The following SHC4 variants were observed in gnomAD, a reference collection of about 807,000 sequenced individuals.
SHC4 encodes the protein SHC-transforming protein 4.
A neutral mutation model predicts 69.4 loss-of-function variants in SHC4; 41 were observed. The observed-to-expected ratio is 0.59, with a 90% CI of 0.46 to 0.77. The LOEUF (loss-of-function observed/expected upper bound fraction) is 0.77, where lower values mean the gene tolerates loss of function less well. SHC4 is among the 30% of genes least tolerant of loss of function. The probability of loss-of-function intolerance (pLI) is 0.00; values close to 1 mark genes in which losing one functional copy is unlikely to be tolerated. For missense variants in SHC4, 777 were observed against 783.8 expected (o/e 0.99, Z 0.10); for synonymous variants, 318 against 299.3 (o/e 1.06, Z -0.64).
chr15:48,909,848 G>A (rs1893815033), intron 2 of SHC4, among the ~76,000 whole-genome samples: 1 of 152,116 alleles, frequency 6.6e-6, no homozygotes, highest in South Asian at 2.1e-4. Flanking sequence ...TTTGTGTGGT[G>A]TATCACATTT....
chr15:48,931,378 T>A (rs986078517), intron 1 of SHC4, among the ~76,000 whole-genome samples: 16 of 152,236 alleles, frequency 1.1e-4, no homozygotes, highest in African/African-American at 3.9e-4. Flanking sequence ...CCTTCAGATG[T>A]GTATTGGCAC....
At chr15:48,897,079 T>C (rs989204635) in intron 2 of SHC4, among the ~76,000 whole-genome samples, 3 of 152,336 alleles carry the variant, frequency 2.0e-5, no homozygotes, top group Non-Finnish European at 4.4e-5. Flanking sequence ...TTTTTGGAGC[T>C]GAGTGGCGGT....
At chr15:48,904,944 C>CA (rs1900382433) in intron 2 of SHC4, among the ~76,000 whole-genome samples, 1 of 123,722 alleles carries the variant, frequency 8.1e-6, no homozygotes, top group Non-Finnish European at 1.7e-5. Context: ...AGACACAACA[C>CA]ACACACACAC....
At chr15:48,919,941 GA>G (rs138548874) in intron 2 of SHC4, among the ~76,000 whole-genome samples, 24 of 142,516 alleles carry the variant, frequency 1.7e-4, no homozygotes, top group East Asian at 4.0e-4. Context: ...AAGGAGAGGG[GA>G]AAAAAAAAAC....
chr15:48,851,586 A>G (rs1044717364), intron 8 of SHC4, among the ~76,000 whole-genome samples: 4 of 152,194 alleles, frequency 2.6e-5, no homozygotes, highest in African/African-American at 9.7e-5. Flanking sequence ...GGACACTGCT[A>G]TAAACATTGG....
At chr15:48,901,794 A>G (rs188712103) in intron 2 of SHC4, among the ~76,000 whole-genome samples, 79 of 152,300 alleles carry the variant, frequency 5.2e-4, no homozygotes, top group African/African-American at 1.8e-3. Flanking sequence ...AAAGCTCTCT[A>G]TGTCTCAATT....
intron 4 of SHC4, chr15:48,879,848 A>G (rs912776839): frequency 3.0e-5 from 5 of 167,160 alleles, no homozygotes; most frequent in South Asian, 2.1e-4. Context: ...TTCTCTGTAT[A>G]CTACTTTCTA....
rs138442154 is a variant in SHC4, at chr15:48,884,621, C to T, written c.721-254G>A. Among the ~76,000 whole-genome samples the T allele has an allele frequency of 1.5e-3, 221 of 152,242 alleles. 4 individuals are homozygous for T. Among genetic ancestry groups the T allele is most frequent in the Admixed American group, 0.012 (184 of 15,294 alleles). On this transcript the variant is annotated intron_variant, in intron 3 of 11. Transcript: ENST00000332408. Reference sequence around the variant, plus strand: ...TCATAGTTTCTCTCCTCCCCAGGTGCTGGGAGTGGGCTCCTGCTTTAATGT... The same window carrying T: ...TCATAGTTTCTCTCCTCCCCAGGTGTTGGGAGTGGGCTCCTGCTTTAATGT...
At chr15:48,862,884 T>C (rs1899473017) in intron 6 of SHC4, among the ~76,000 whole-genome samples, 1 of 152,028 alleles carries the variant, frequency 6.6e-6, no homozygotes, top group South Asian at 2.1e-4. Flanking sequence ...CTGTCTCCTG[T>C]GGCTTCCCCC....
At chr15:48,918,796 T>G (rs1900679825) in intron 2 of SHC4, among the ~76,000 whole-genome samples, 1 of 152,236 alleles carries the variant, frequency 6.6e-6, no homozygotes. Flanking sequence ...TTCTGCAATA[T>G]AATTTTTCTG....
At chr15:48,897,338 C>A (rs1188370973) in intron 2 of SHC4, among the ~76,000 whole-genome samples, 1 of 152,120 alleles carries the variant, frequency 6.6e-6, no homozygotes, top group Non-Finnish European at 1.5e-5. Flanking sequence ...AAAACCCTGC[C>A]TACGCCATAA....
rs559548447 is a variant in SHC4, at chr15:48,910,576, G to C, written c.656+14303C>G. 2.2e-4 allele frequency among the ~76,000 whole-genome samples: 33 copies of C among 152,050 alleles called. No homozygotes were observed. The South Asian group carries it at 4.6e-3, about 21-fold the overall frequency. On this transcript the variant is annotated intron_variant, in intron 2 of 11. Coordinates refer to ENST00000332408, the MANE Select transcript of SHC4 (RefSeq NM_203349.4). ...TCTCAATTTCATTTAGTTCTGCTCT[G>C]ATCTTGGTTATTTCCTTTCTTCTGC... is the stretch of plus-strand genomic sequence containing the variant.
intron 10 of SHC4, among the ~76,000 whole-genome samples, chr15:48,841,084 T>C (rs1898981012): frequency 6.6e-6 from 1 of 152,216 alleles, no homozygotes; most frequent in Non-Finnish European, 1.5e-5. Flanking sequence ...TTCCTTTGCT[T>C]GGATTATGAA....
At chr15:48,886,955 A>G (rs533780680) in intron 3 of SHC4, among the ~76,000 whole-genome samples, 19 of 152,296 alleles carry the variant, frequency 1.2e-4, no homozygotes, top group African/African-American at 4.6e-4. Context: ...CATTTTACAA[A>G]CGAGAAAAGT....
rs28523463 is a variant in SHC4, at chr15:48,874,643, A to C, written c.841-2501T>G. ...GAGGTAGAGCTGAGGTGGTGACGCT[A>C]GTGCTGGGGAGTGGCTGCAAATACA... is the stretch of plus-strand genomic sequence containing the variant. On this transcript the variant is annotated intron_variant, in intron 4 of 11. Coordinates refer to ENST00000332408, the MANE Select transcript of SHC4 (RefSeq NM_203349.4). Among the ~76,000 whole-genome samples, 888 of 152,308 alleles carry C rather than the reference A, an allele frequency of 5.8e-3. 10 individuals carry two copies. The highest frequency in any genetic ancestry group is 0.02 in the African/African-American group (849 of 41,562).
At chr15:48,859,646 C>A (rs1338858152) in intron 6 of SHC4, among the ~76,000 whole-genome samples, 1 of 152,076 alleles carries the variant, frequency 6.6e-6, no homozygotes, top group Non-Finnish European at 1.5e-5. Context: ...ATAGTGATTT[C>A]TCTGAATCAT....
intron 2 of SHC4, among the ~76,000 whole-genome samples, chr15:48,896,528 C>T (rs1237861905): frequency 1.3e-5 from 2 of 152,078 alleles, no homozygotes; most frequent in East Asian, 3.9e-4. Context: ...GCCACATTGG[C>T]CAGGCTGGTC....
intron 1 of SHC4, among the ~76,000 whole-genome samples, chr15:48,949,761 TA>T (rs1418294335): frequency 1.1e-4 from 17 of 148,488 alleles, no homozygotes; most frequent in Admixed American, 7.5e-4. Context: ...TACAATACCT[TA>T]AAAAAATTAT....
intron 6 of SHC4, among the ~76,000 whole-genome samples, chr15:48,860,038 C>T (rs1386972748): frequency 6.6e-6 from 1 of 152,050 alleles, no homozygotes; most frequent in Non-Finnish European, 1.5e-5. Context: ...TAGCAAGACC[C>T]TGTCTCTAAA....
Sources: allele counts gnomAD v4.1 joint callset (sites outside exome capture counted in the v4.1 genomes callset), GRCh38; gene constraint gnomAD v4.1.1; transcripts MANE v1.5; gene names NCBI Gene and HGNC (gene_info 2026-07-23, HGNC 2026-07-21).